Variants in PPARGC1A observed in about 807,000 individuals in gnomAD.
The protein encoded by PPARGC1A is PPARG coactivator 1 alpha, also known as peroxisome proliferator-activated receptor gamma coactivator 1-alpha.
A neutral mutation model predicts 88.7 loss-of-function variants in PPARGC1A; 25 were observed. The observed-to-expected ratio is 0.28, with a 90% CI of 0.21 to 0.39. The LOEUF (loss-of-function observed/expected upper bound fraction) is 0.39, where lower values mean the gene tolerates loss of function less well. PPARGC1A is among the 10% of genes least tolerant of loss of function. PPARGC1A has a pLI of 1.00. For missense variants in PPARGC1A, 880 were observed against 968.7 expected (o/e 0.91, Z 1.22); for synonymous variants, 363 against 355.6 (o/e 1.02, Z -0.24).
At chr4:23,837,800 T>C (rs1348711654) in intron 2 of PPARGC1A, among the ~76,000 whole-genome samples, 1 of 152,198 alleles carries the variant, frequency 6.6e-6, no homozygotes, top group Admixed American at 6.5e-5. Context: ...ACTTTTATAA[T>C]AGATTCAGGA....
the PPARGC1A span, among the ~76,000 whole-genome samples, chr4:24,138,099 A>T: frequency 2.0e-5 from 3 of 152,138 alleles, no homozygotes; most frequent in Non-Finnish European, 2.9e-5. Flanking sequence ...AACTGCCCAC[A>T]CCCCTGGTCT....
At chr4:23,806,696 C>G (rs57276493) in intron 10 of PPARGC1A, among the ~76,000 whole-genome samples, 2 of 152,162 alleles carry the variant, frequency 1.3e-5, no homozygotes, top group African/African-American at 4.8e-5. Context: ...TACACCAAAA[C>G]GTGGGGGATA....
chr4:23,902,955 G>C (rs1719586184), upstream of PPARGC1A, among the ~76,000 whole-genome samples: 1 of 152,152 alleles, frequency 6.6e-6, no homozygotes, highest in South Asian at 2.1e-4. Flanking sequence ...ATTTCACATA[G>C]GTGCCTTCAT....
chr4:24,436,879 T>C, the PPARGC1A span, among the ~76,000 whole-genome samples: 644 of 151,654 alleles, frequency 4.2e-3, 6 homozygotes, highest in African/African-American at 0.015. Flanking sequence ...CTAATATCTA[T>C]TGGCCACCCC....
At chr4:24,011,984 C>G in the PPARGC1A span, among the ~76,000 whole-genome samples, 1 of 152,058 alleles carries the variant, frequency 6.6e-6, no homozygotes, top group African/African-American at 2.4e-5. Context: ...TGCAACCCAG[C>G]AAAAGGCCTT....
the PPARGC1A span, among the ~76,000 whole-genome samples, chr4:24,082,673 G>A: frequency 6.6e-6 from 1 of 152,010 alleles, no homozygotes; most frequent in Non-Finnish European, 1.5e-5. Flanking sequence ...CTTTAGACAC[G>A]CAAGAGCTGC....
chr4:24,364,369 G>T, the PPARGC1A span, among the ~76,000 whole-genome samples: 1 of 152,176 alleles, frequency 6.6e-6, no homozygotes, highest in Non-Finnish European at 1.5e-5. Context: ...CAGAAATGAG[G>T]TGCAGACACA....
chr4:24,198,623 C>T, the PPARGC1A span, among the ~76,000 whole-genome samples: 1 of 152,202 alleles, frequency 6.6e-6, no homozygotes, highest in African/African-American at 2.4e-5. Context: ...CAATTAGCAG[C>T]CCCTCCAGCA....
At chr4:23,950,279 C>G in the PPARGC1A span, among the ~76,000 whole-genome samples, 2 of 152,084 alleles carry the variant, frequency 1.3e-5, no homozygotes, top group Admixed American at 1.3e-4. Flanking sequence ...TCTCATCAAT[C>G]TCTAGCATTT....
At chr4:24,146,371 G>A in the PPARGC1A span, among the ~76,000 whole-genome samples, 1 of 152,212 alleles carries the variant, frequency 6.6e-6, no homozygotes, top group African/African-American at 2.4e-5. Flanking sequence ...TTGTGCAAAT[G>A]TGAAGTCTTC....
the PPARGC1A span, among the ~76,000 whole-genome samples, chr4:24,413,756 G>C: frequency 6.6e-6 from 1 of 152,174 alleles, no homozygotes. Flanking sequence ...AGAAGACCCT[G>C]ATATTTTAAG....
chr4:24,044,507 G>C, the PPARGC1A span, among the ~76,000 whole-genome samples: 9 of 152,088 alleles, frequency 5.9e-5, no homozygotes, highest in African/African-American at 2.2e-4. Flanking sequence ...TTTGAGGAAA[G>C]AATGCATGCT....
chr4:24,114,121 C>CAA, the PPARGC1A span, among the ~76,000 whole-genome samples: 1 of 47,488 alleles, frequency 2.1e-5, no homozygotes, highest in Non-Finnish European at 3.8e-5. Flanking sequence ...GAGACTCCAT[C>CAA]ACAAAAAAAA....
chr4:23,801,421 A>G (rs1441551018), intron 12 of PPARGC1A, among the ~76,000 whole-genome samples: 2 of 152,176 alleles, frequency 1.3e-5, no homozygotes, highest in East Asian at 1.9e-4. Flanking sequence ...ATAAAGCTGC[A>G]TGCACACACA....
At chr4:23,980,220 A>G in the PPARGC1A span, among the ~76,000 whole-genome samples, 1 of 148,636 alleles carries the variant, frequency 6.7e-6, no homozygotes, top group Non-Finnish European at 1.5e-5. Context: ...TGGAGGATAC[A>G]TGGCTTGGTC....
the PPARGC1A span, among the ~76,000 whole-genome samples, chr4:24,393,227 A>G: frequency 6.6e-6 from 1 of 152,212 alleles, no homozygotes; most frequent in Non-Finnish European, 1.5e-5. Context: ...CAAGCAAATG[A>G]GCTGTTGAAA....
the PPARGC1A span, among the ~76,000 whole-genome samples, chr4:24,250,542 G>A: frequency 6.6e-6 from 1 of 152,024 alleles, no homozygotes; most frequent in Admixed American, 6.5e-5. Context: ...GCATTTTGGG[G>A]GCATGCACTC....
At chr4:23,943,532 G>T in the PPARGC1A span, among the ~76,000 whole-genome samples, 1 of 152,096 alleles carries the variant, frequency 6.6e-6, no homozygotes, top group Non-Finnish European at 1.5e-5. Flanking sequence ...TGGTAAAACT[G>T]CAAGATCTAT....
In PPARGC1A at chr4:23,848,952, G is replaced by A. The variant is rs892090074; in HGVS notation, c.235-17201C>T. ...AGGTCAGGAGATCAAGACCATCCTG[G>A]CTAACACGGTGAAACCCCATCTCTA... On this transcript the variant is annotated intron_variant, in intron 2 of 12. Transcript: ENST00000264867. 2.6e-5 allele frequency among the ~76,000 whole-genome samples: 4 copies of A among 152,174 alleles called. No individual in the cohort carries two copies. The East Asian group carries it at 7.8e-4, about 30-fold the overall frequency.
Sources: allele counts gnomAD v4.1 joint callset (sites outside exome capture counted in the v4.1 genomes callset), GRCh38; gene constraint gnomAD v4.1.1; transcripts MANE v1.5; gene names NCBI Gene and HGNC (gene_info 2026-07-23, HGNC 2026-07-21).